ATG7: variants seen among roughly 807,000 people sequenced by gnomAD.
ATG7 encodes the protein ubiquitin-like modifier-activating enzyme ATG7.
A neutral mutation model predicts 82.4 loss-of-function variants in ATG7; 70 were observed. The ratio of observed to expected loss-of-function variants is 0.85; its 90% confidence interval spans 0.70 to 1.04. ATG7 has a LOEUF of 1.04. ATG7 is among the 50% of genes least tolerant of loss of function. The probability of loss-of-function intolerance (pLI) is 0.00; values close to 1 mark genes in which losing one functional copy is unlikely to be tolerated. For synonymous variants in ATG7, 287 were observed against 313.0 expected (o/e 0.92, Z 0.88); for missense variants, 792 against 864.3 (o/e 0.92, Z 1.05).
chr3:11,469,664 C>G (rs73019581), intron 20 of ATG7, among the ~76,000 whole-genome samples: 5,614 of 152,054 alleles, frequency 0.037, 138 homozygotes, highest in Middle Eastern at 0.088. Flanking sequence ...CCACTGCAGC[C>G]CAGCTAATGT....
chr3:11,567,643 C>T, the ATG7 span, among the ~76,000 whole-genome samples: 2 of 152,272 alleles, frequency 1.3e-5, no homozygotes, highest in South Asian at 2.1e-4. Context: ...CAATGAATGC[C>T]TCAAGGGTTA....
chr3:11,537,935 A>G (rs948183124), intron 20 of ATG7, among the ~76,000 whole-genome samples: 8 of 152,168 alleles, frequency 5.3e-5, no homozygotes, highest in African/African-American at 1.7e-4. Context: ...TGTTTCCTTT[A>G]TACCCAATGC....
At chr3:11,539,227 C>T (rs2070620213) in intron 20 of ATG7, among the ~76,000 whole-genome samples, 1 of 152,148 alleles carries the variant, frequency 6.6e-6, no homozygotes, top group African/African-American at 2.4e-5. Flanking sequence ...ATGGTCACAA[C>T]AGCCCTACGA....
At chr3:11,371,390 C>CA (rs1368679081) in intron 18 of ATG7, among the ~76,000 whole-genome samples, 1 of 151,058 alleles carries the variant, frequency 6.6e-6, no homozygotes, top group Non-Finnish European at 1.5e-5. Context: ...GGCAGGAATG[C>CA]AGGGGCCATT....
chr3:11,348,989 T>C (rs1209192123), intron 14 of ATG7, among the ~76,000 whole-genome samples: 1 of 152,150 alleles, frequency 6.6e-6, no homozygotes, highest in Non-Finnish European at 1.5e-5. Flanking sequence ...GGTGAGTTTT[T>C]ACAGAGTGCT....
intron 19 of ATG7, among the ~76,000 whole-genome samples, chr3:11,407,170 T>C (rs1283706957): frequency 6.6e-6 from 1 of 152,162 alleles, no homozygotes; most frequent in Non-Finnish European, 1.5e-5. Flanking sequence ...ATTGGAGAAA[T>C]TGACCAAAAC....
intron 13 of ATG7, among the ~76,000 whole-genome samples, chr3:11,345,001 A>C (rs939297688): frequency 2.0e-5 from 3 of 152,240 alleles, no homozygotes; most frequent in Non-Finnish European, 4.4e-5. Context: ...AAATAAACTT[A>C]AAACGTTCTG....
chr3:11,367,601 G>A (rs2076712254), intron 18 of ATG7, among the ~76,000 whole-genome samples: 1 of 152,120 alleles, frequency 6.6e-6, no homozygotes, highest in Non-Finnish European at 1.5e-5. Context: ...TTCTGTCTCT[G>A]GGTCCACAGG....
chr3:11,461,927 G>T (rs548018858), intron 20 of ATG7, among the ~76,000 whole-genome samples: 60 of 152,142 alleles, frequency 3.9e-4, no homozygotes, highest in African/African-American at 1.4e-3. Context: ...CTACTCAGGA[G>T]GCTGAGGCAG....
chr3:11,338,718 G>A (rs893476330), intron 11 of ATG7, among the ~76,000 whole-genome samples: 3 of 152,142 alleles, frequency 2.0e-5, no homozygotes, highest in Non-Finnish European at 4.4e-5. Flanking sequence ...CAGAGTGCCC[G>A]ATTTAAAAGG....
At chr3:11,320,465 T>G (rs1389419214) in intron 9 of ATG7, among the ~76,000 whole-genome samples, 1 of 152,174 alleles carries the variant, frequency 6.6e-6, no homozygotes, top group Non-Finnish European at 1.5e-5. Flanking sequence ...TTTTTTTATC[T>G]TTAGTAGAGA....
At position 11,556,872 on chromosome 3, in the gene ATG7, G is replaced by A. The variant is rs2072472064; in HGVS notation, c.*2029G>A. 1 of 152,768 alleles carries A rather than the reference G, an allele frequency of 6.5e-6. No homozygotes were observed. The highest frequency in any genetic ancestry group is 1.5e-5 in the Non-Finnish European group (1 of 68,042). 9.5% of individuals were successfully genotyped at this position (152,768 alleles called of 1,614,324 possible). A position where few individuals can be genotyped will look rare whatever the true frequency, so the allele number is the denominator to read the frequency against. On this transcript the variant is annotated 3_prime_UTR_variant, in exon 21 of 21. Transcript: ENST00000693202. ...GTACAGTGGGAGTGAAATGTGTGCG[G>A]GGCAAGGAGAAGGGCTTTTCTTTCC...
At chr3:11,533,383 TAAGA>T (rs1404900082) in intron 20 of ATG7, among the ~76,000 whole-genome samples, 1 of 152,046 alleles carries the variant, frequency 6.6e-6, no homozygotes, top group Non-Finnish European at 1.5e-5. Flanking sequence ...AATAATTTCT[TAAGA>T]AAGATAAAGT....
At chr3:11,454,729 A>G (rs2085531252) in intron 20 of ATG7, among the ~76,000 whole-genome samples, 1 of 152,226 alleles carries the variant, frequency 6.6e-6, no homozygotes, top group South Asian at 2.1e-4. Flanking sequence ...CCTAACATCT[A>G]GCAGAATGCC....
At chr3:11,423,690 G>C (rs988071007) in intron 19 of ATG7, among the ~76,000 whole-genome samples, 8 of 151,676 alleles carry the variant, frequency 5.3e-5, no homozygotes, top group Non-Finnish European at 1.0e-4. Context: ...TTGACTCTAC[G>C]CACGTAATGG....
chr3:11,471,331 A>G (rs986812680), intron 20 of ATG7, among the ~76,000 whole-genome samples: 3 of 152,092 alleles, frequency 2.0e-5, no homozygotes, highest in South Asian at 2.1e-4. Flanking sequence ...TCAAGCCTTC[A>G]TTCTTCATAG....
intron 19 of ATG7, among the ~76,000 whole-genome samples, chr3:11,387,896 G>A (rs1312859429): frequency 1.3e-5 from 2 of 152,152 alleles, no homozygotes; most frequent in Admixed American, 6.5e-5. Context: ...TGTGAACCTG[G>A]GAGGCAGAGT....
At chr3:11,351,497 AAAG>A (rs2075541867) in intron 14 of ATG7, among the ~76,000 whole-genome samples, 1 of 152,216 alleles carries the variant, frequency 6.6e-6, no homozygotes, top group African/African-American at 2.4e-5. Context: ...CATAGAGGTC[AAAG>A]AAGATGAGGA....
Position 11,411,619 on chromosome 3 carries a change from CAAAA to C in ATG7, c.1957-15159_1957-15156del, listed in dbSNP as rs71055868. On this transcript the variant is annotated intron_variant, in intron 19 of 20. Coordinates refer to ENST00000693202, the MANE Select transcript of ATG7 (RefSeq NM_001349232.2). ...TGGTGACACAGCAAGACTCTGTCTC[CAAAA>C]AAAAAAAAAAAAAAAAAAAAAAAAA... Among the ~76,000 whole-genome samples the C allele has an allele frequency of 1.5e-3, 107 of 71,738 alleles. 1 individual carries two copies. The highest frequency in any genetic ancestry group is 0.019 in the Middle Eastern group (2 of 108). 47.1% of individuals were successfully genotyped at this position (71,738 alleles called of 152,430 possible).
Sources: gnomAD v4.1 joint callset for allele counts (sites outside exome capture counted in the v4.1 genomes callset) on GRCh38, gnomAD v4.1.1 for gene constraint, MANE v1.5 for transcripts, NCBI Gene and HGNC (gene_info 2026-07-23, HGNC 2026-07-21) for gene names.